SINHCAF: variants seen among roughly 807,000 people sequenced by gnomAD.
SINHCAF encodes SIN3-HDAC complex associated factor.
A neutral mutation model predicts 25.8 loss-of-function variants in SINHCAF; 3 were observed. The ratio of observed to expected loss-of-function variants is 0.12; its 90% CI spans 0.05 to 0.30. The LOEUF is 0.30. SINHCAF is among the 10% of genes least tolerant of loss of function. The pLI is 1.00. For missense variants in SINHCAF, 121 were observed against 262.3 expected, an observed-to-expected ratio of 0.46 and a Z score of 3.72; for synonymous variants, 70 against 85.5, an observed-to-expected ratio of 0.82 and a Z score of 1.00.
chr12:31,288,796 T>C (rs1393338192), intron 4 of SINHCAF, among the ~76,000 whole-genome samples: 1 of 152,104 alleles, frequency 6.6e-6, no homozygotes, highest in Non-Finnish European at 1.5e-5. Flanking sequence ...CAGGAAGATC[T>C]CAAACTAAAT....
chr12:31,318,717 GA>G lies in SINHCAF; in HGVS notation c.-21+7306del, dbSNP rs796288937. Among the ~76,000 whole-genome samples the G allele has an allele frequency of 6.1e-5, 9 of 146,704 alleles. No homozygotes were observed. The South Asian group carries it at 1.1e-3, about 18-fold the overall frequency. ...TAGATTAAGAGGAATTCCAGTACATGAAAAAAAAAACTGAAAGTGTCAGAAA... is the reference window on the plus strand; with the variant it reads ...TAGATTAAGAGGAATTCCAGTACATGAAAAAAAAACTGAAAGTGTCAGAAA... On this transcript the variant is annotated intron_variant, in intron 1 of 5. Transcript: ENST00000337682.
In SINHCAF at chr12:31,300,967, CGACA is replaced by C. The variant is rs1401483029; in HGVS notation, c.-20-2747_-20-2744del. ...TTAATACACAGACCAAATCCTATTACGACAGACAGATTCCTATCTCTACCCTCAC... is the reference window on the plus strand; with the variant it reads ...TTAATACACAGACCAAATCCTATTACGACAGATTCCTATCTCTACCCTCAC... On this transcript the variant is annotated intron_variant, in intron 1 of 5. Coordinates refer to ENST00000337682, the MANE Select transcript of SINHCAF (RefSeq NM_001135812.2). Among the ~76,000 whole-genome samples the C allele has an allele frequency of 5.3e-5, 8 of 152,270 alleles. No individual in the cohort carries two copies. The South Asian group carries it at 1.2e-3, about 24-fold the overall frequency.
At chr12:31,299,819 A>C (rs1196863747) in intron 1 of SINHCAF, among the ~76,000 whole-genome samples, 1 of 152,184 alleles carries the variant, frequency 6.6e-6, no homozygotes, top group Non-Finnish European at 1.5e-5. Flanking sequence ...TCCTCACATA[A>C]ACCAAGATGG....
chr12:31,303,468 C>G (rs75055161), intron 1 of SINHCAF: 3,068 of 151,526 alleles, frequency 0.02, 66 homozygotes, highest in African/African-American at 0.053. Context: ...CCATAATGGG[C>G]GGGGAGGGTG....
intron 5 of SINHCAF, among the ~76,000 whole-genome samples, chr12:31,285,861 G>A (rs1281788094): frequency 6.6e-6 from 1 of 151,902 alleles, no homozygotes; most frequent in Admixed American, 6.6e-5. Context: ...TGTAGACCCA[G>A]CTATTTGGGC....
At chr12:31,289,147 A>AG (rs1246990014) in intron 4 of SINHCAF, among the ~76,000 whole-genome samples, 1 of 152,246 alleles carries the variant, frequency 6.6e-6, no homozygotes, top group Non-Finnish European at 1.5e-5. Context: ...AAATGAACAG[A>AG]GCAGGAGAAA....
At chr12:31,299,391 A>G (rs1159599482) in intron 1 of SINHCAF, among the ~76,000 whole-genome samples, 2 of 151,864 alleles carry the variant, frequency 1.3e-5, no homozygotes, top group Admixed American at 6.6e-5. Context: ...ATCTAGGCTC[A>G]CTGCAAGCTC....
At chr12:31,318,922 T>C (rs988546746) in intron 1 of SINHCAF, among the ~76,000 whole-genome samples, 13 of 152,352 alleles carry the variant, frequency 8.5e-5, no homozygotes, top group Non-Finnish European at 1.8e-4. Flanking sequence ...TCCTTGAATT[T>C]ATAAGAGTTG....
intron 1 of SINHCAF, among the ~76,000 whole-genome samples, chr12:31,307,650 A>C (rs1939090767): frequency 6.6e-6 from 1 of 152,198 alleles, no homozygotes; most frequent in Non-Finnish European, 1.5e-5. Context: ...TAGGAAGTTA[A>C]TCTATTGAAA....
At chr12:31,305,407 G>T (rs1042689729) in intron 1 of SINHCAF, among the ~76,000 whole-genome samples, 1 of 152,144 alleles carries the variant, frequency 6.6e-6, no homozygotes, top group African/African-American at 2.4e-5. Flanking sequence ...CAGTAAATTT[G>T]TATCAGTCAT....
rs1194954712 is a variant in SINHCAF at position 31,324,673 on chromosome 12, G to A, written c.-21+1351C>T. The A allele has an allele frequency of 6.2e-6, 2 of 320,860 alleles. No homozygotes were observed. Among genetic ancestry groups the A allele is most frequent in the South Asian group, 2.4e-5 (1 of 41,198 alleles). 19.9% of individuals were successfully genotyped at this position (320,860 alleles called of 1,614,324 possible). A position where few individuals can be genotyped will look rare whatever the true frequency, so the allele number is the denominator to read the frequency against. ...AGCCCTTTGTTTTCTGTCCAGCCGG[G>A]CGCTGCCTACGTGCAGCATCAGGGA... On this transcript the variant is annotated intron_variant, in intron 1 of 5. Coordinates refer to ENST00000337682, the MANE Select transcript of SINHCAF (RefSeq NM_001135812.2). This position sits in a 1 kb window ranked among gnomAD's most constrained non-coding sequence, Gnocchi z 5.5.
intron 1 of SINHCAF, among the ~76,000 whole-genome samples, chr12:31,308,979 T>C (rs1939146614): frequency 6.6e-6 from 1 of 151,512 alleles, no homozygotes; most frequent in Non-Finnish European, 1.5e-5. Context: ...AATACAAAAA[T>C]AAGCCAGGTG....
chr12:31,325,295 C>G lies in SINHCAF; in HGVS notation c.-21+729G>C. On this transcript the variant is annotated intron_variant, in intron 1 of 5. Coordinates refer to ENST00000337682, the MANE Select transcript of SINHCAF (RefSeq NM_001135812.2). This position sits in a 1 kb window ranked among gnomAD's most constrained non-coding sequence, Gnocchi z 5.9. ...GCTCTTGGGCGCGGTCCGAAGAGGG[C>G]AGGCGAGTGGAAGACGGGCTGTTTT... The G allele has an allele frequency of 2.2e-6, 1 of 452,650 alleles. No homozygotes were observed. The highest frequency in any genetic ancestry group is 1.6e-5 in the South Asian group (1 of 64,278). The allele number at this position is 452,650 out of a possible 1,614,324, so 28.0% of individuals were successfully genotyped here.
intron 1 of SINHCAF, among the ~76,000 whole-genome samples, chr12:31,318,244 A>G (rs1257367120): frequency 6.6e-6 from 1 of 152,204 alleles, no homozygotes; most frequent in Non-Finnish European, 1.5e-5. Flanking sequence ...ATCTGCAGTT[A>G]AGGAAACCCA....
chr12:31,299,734 C>T (rs1938708577), intron 1 of SINHCAF, among the ~76,000 whole-genome samples: 1 of 152,166 alleles, frequency 6.6e-6, no homozygotes, highest in Non-Finnish European at 1.5e-5. Context: ...AGCTTCAGTA[C>T]AGTCATGTGT....
intron 5 of SINHCAF, among the ~76,000 whole-genome samples, chr12:31,285,377 G>GTCTCTC (rs144868057): frequency 5.4e-5 from 8 of 148,620 alleles, no homozygotes; most frequent in Admixed American, 3.4e-4. Context: ...GACAGAGTGA[G>GTCTCTC]TCTCTCTCTC....
intron 2 of SINHCAF, among the ~76,000 whole-genome samples, chr12:31,297,229 C>G (rs1938585922): frequency 6.6e-6 from 1 of 152,052 alleles, no homozygotes; most frequent in Non-Finnish European, 1.5e-5. Flanking sequence ...ATTTTAGTAT[C>G]TTCATTTCCT....
intron 1 of SINHCAF, among the ~76,000 whole-genome samples, chr12:31,311,121 C>T (rs1167697320): frequency 6.6e-6 from 1 of 152,148 alleles, no homozygotes; most frequent in East Asian, 1.9e-4. Flanking sequence ...CCCGCCTTGG[C>T]CTCCCAAAGT....
chr12:31,293,836 G>C lies in SINHCAF; in HGVS notation c.324C>G (p.Ile108Met), dbSNP rs1331211597. The stretch of plus-strand genomic sequence containing the variant: ...GTTTAAATTCCTTCTGCAGTTTACT[G>C]ATCTGGTTGCTTTTTATCCTGTTCC... ...LSGNRIKSNQ[I>M]SKLQKEFKRH... Residue 108 changes from isoleucine to methionine, a missense_variant, in exon 4 of 6, where the codon ATC becomes ATG. By Grantham distance (10) the Ile-to-Met change is conservative. Transcript: ENST00000337682. The C allele has an allele frequency of 6.2e-7, 1 of 1,610,430 alleles. No individual in the cohort carries two copies. Among genetic ancestry groups the C allele is most frequent in the Admixed American group, 1.7e-5 (1 of 59,296 alleles).
Sources: gnomAD v4.1 joint callset for allele counts (sites outside exome capture counted in the v4.1 genomes callset) on GRCh38, gnomAD v4.1.1 for gene constraint, Gnocchi (gnomAD v3.1) non-coding constraint, MANE v1.5 for transcripts, NCBI Gene and HGNC (gene_info 2026-07-23, HGNC 2026-07-21) for gene names.